Variants in CSTF3 observed in about 807,000 individuals in gnomAD.
CSTF3 encodes the protein CF-1 77 kDa subunit.
A neutral mutation model predicts 105.8 loss-of-function variants in CSTF3; 29 were observed. The observed-to-expected ratio is 0.27, with a 90% CI of 0.20 to 0.37. CSTF3 has a LOEUF of 0.37. Ranked by LOEUF, CSTF3 falls within the 10% of genes least tolerant of loss-of-function variation. The probability of loss-of-function intolerance (pLI) is 1.00; values close to 1 mark genes in which losing one functional copy is unlikely to be tolerated. For synonymous variants in CSTF3, 252 were observed against 281.9 expected (o/e 0.89, Z 1.06); for missense variants, 357 against 879.3 (o/e 0.41, Z 7.51).
intron 3 of CSTF3, among the ~76,000 whole-genome samples, chr11:33,126,114 A>G (rs564326986): frequency 6.6e-6 from 1 of 152,190 alleles, no homozygotes; most frequent in Non-Finnish European, 1.5e-5. Context: ...CTAAAATCCA[A>G]TGTTCACTGA....
Position 33,099,773 on chromosome 11 carries a change from C to G in CSTF3, c.827-56G>C. ...ATTAAAATAATTATTATTTGTAAAA[C>G]TATCAATGTAAATATCATAACCAAA... On this transcript the variant is annotated intron_variant, in intron 10 of 20. Transcript: ENST00000323959. The surrounding 1 kb of genome is among the most constrained non-coding windows in gnomAD (Gnocchi z 4.1). 1 of 1,139,054 alleles carries G rather than the reference C, an allele frequency of 8.8e-7. No homozygotes were observed. 70.6% of individuals were successfully genotyped at this position (1,139,054 alleles called of 1,614,324 possible).
In CSTF3 at chr11:33,161,283, C is replaced by T; in HGVS notation, c.27+16G>A. On this transcript the variant is annotated intron_variant, in intron 1 of 20. Transcript: ENST00000323959. The stretch of plus-strand genomic sequence containing the variant: ...AGAAGAGGTCGCCACGAGGCCCCAC[C>T]ACTCTCCTTCCTCACCTGCTCCGTG... 1 of 1,613,190 alleles carries T rather than the reference C, an allele frequency of 6.2e-7. No individual in the cohort carries two copies. Among genetic ancestry groups the T allele is most frequent in the Non-Finnish European group, 8.5e-7 (1 of 1,179,994 alleles).
chr11:33,144,179 C>T (rs925497037), intron 1 of CSTF3, among the ~76,000 whole-genome samples: 5 of 151,550 alleles, frequency 3.3e-5, no homozygotes, highest in African/African-American at 9.7e-5. Context: ...AGTCAAAACA[C>T]CAGTTTGGAA....
At chr11:33,152,327 C>T (rs112673750) in intron 1 of CSTF3, among the ~76,000 whole-genome samples, 343 of 152,208 alleles carry the variant, frequency 2.3e-3, no homozygotes, top group African/African-American at 8.0e-3. Context: ...TATAGTTTTG[C>T]TATGTTGCTC....
At chr11:33,114,931 T>C (rs1855416400) in intron 3 of CSTF3, among the ~76,000 whole-genome samples, 1 of 152,160 alleles carries the variant, frequency 6.6e-6, no homozygotes, top group African/African-American at 2.4e-5. Context: ...AAGGAAAAAG[T>C]AAGTCTCTAT....
intron 1 of CSTF3, among the ~76,000 whole-genome samples, chr11:33,152,956 C>CA (rs536758629): frequency 2.5e-4 from 34 of 133,602 alleles, no homozygotes; most frequent in East Asian, 4.3e-4. Context: ...ACTCCGCCTC[C>CA]AAAAAAAAAA....
chr11:33,104,286 A>C (rs1053566878), intron 8 of CSTF3, among the ~76,000 whole-genome samples: 4 of 152,222 alleles, frequency 2.6e-5, no homozygotes, highest in African/African-American at 7.2e-5. Flanking sequence ...TATAACACTA[A>C]GACATTATTT....
intron 1 of CSTF3, among the ~76,000 whole-genome samples, chr11:33,160,677 T>C (rs1489647085): frequency 6.6e-6 from 1 of 152,218 alleles, no homozygotes; most frequent in South Asian, 2.1e-4. Flanking sequence ...ACAGATGCTT[T>C]TATTTACAGT....
chr11:33,097,626 C>T (rs1855237986), intron 13 of CSTF3, among the ~76,000 whole-genome samples: 2 of 152,216 alleles, frequency 1.3e-5, no homozygotes, highest in South Asian at 4.1e-4. Flanking sequence ...CTCGACCTCC[C>T]AAAGTGCTGG....
intron 17 of CSTF3, among the ~76,000 whole-genome samples, chr11:33,089,369 G>A (rs879309829): frequency 6.7e-6 from 1 of 149,472 alleles, no homozygotes; most frequent in African/African-American, 2.5e-5. Context: ...AGACAGAAAC[G>A]ATGTATAGGA....
At chr11:33,109,199 TTGAG>T (rs965464673) in intron 3 of CSTF3, among the ~76,000 whole-genome samples, 5 of 152,214 alleles carry the variant, frequency 3.3e-5, no homozygotes, top group Admixed American at 3.3e-4. Flanking sequence ...TCTCTTTTCT[TTGAG>T]TATTTTCATC....
chr11:33,148,737 G>C (rs1565019736), intron 1 of CSTF3, among the ~76,000 whole-genome samples: 2 of 151,842 alleles, frequency 1.3e-5, no homozygotes, highest in African/African-American at 4.8e-5. Context: ...TGCTCCTTTG[G>C]TGCCACAGAA....
intron 3 of CSTF3, among the ~76,000 whole-genome samples, chr11:33,126,278 G>A (rs1250480093): frequency 3.3e-5 from 5 of 152,054 alleles, no homozygotes; most frequent in Non-Finnish European, 1.5e-5. Flanking sequence ...GGCAACTTAA[G>A]ACCTTGTCTC....
chr11:33,157,122 G>A (rs1849876802), intron 1 of CSTF3, among the ~76,000 whole-genome samples: 1 of 152,074 alleles, frequency 6.6e-6, no homozygotes, highest in Non-Finnish European at 1.5e-5. Context: ...GGAGGCTGAG[G>A]CAGGCAGATC....
At chr11:33,085,634 T>C in intron 20 of CSTF3, 79 bp downstream of exon 20, 1 of 1,293,204 alleles carries the variant, frequency 7.7e-7, no homozygotes, top group South Asian at 1.2e-5. Flanking sequence ...AAAACTTCAG[T>C]GGCAGAGAAT....
intron 3 of CSTF3, among the ~76,000 whole-genome samples, chr11:33,137,814 TA>T (rs1855670972): frequency 6.6e-6 from 1 of 151,762 alleles, no homozygotes; most frequent in African/African-American, 2.4e-5. Flanking sequence ...GAAATCACCA[TA>T]ATCTATATAA....
chr11:33,125,005 A>T (rs942712829), intron 3 of CSTF3, among the ~76,000 whole-genome samples: 5 of 152,188 alleles, frequency 3.3e-5, no homozygotes, highest in African/African-American at 1.2e-4. Context: ...GTGAATTTTT[A>T]AAATTACTGC....
chr11:33,120,725 T>C (rs1855478916), intron 3 of CSTF3, among the ~76,000 whole-genome samples: 1 of 151,934 alleles, frequency 6.6e-6, no homozygotes, highest in Non-Finnish European at 1.5e-5. Flanking sequence ...AGACATTCAA[T>C]AATAATTGCT....
chr11:33,153,697 T>C (rs1849818402), intron 1 of CSTF3, among the ~76,000 whole-genome samples: 1 of 134,302 alleles, frequency 7.4e-6, no homozygotes, highest in Non-Finnish European at 1.6e-5. Flanking sequence ...ATTTCGACCA[T>C]GCAGGTAAAA....
Sources: allele counts gnomAD v4.1 joint callset (sites outside exome capture counted in the v4.1 genomes callset), GRCh38; gene constraint gnomAD v4.1.1; non-coding constraint Gnocchi (gnomAD v3.1); transcripts MANE v1.5; gene names NCBI Gene and HGNC (gene_info 2026-07-23, HGNC 2026-07-21).